Variants in EEA1 observed in about 807,000 individuals in gnomAD.
EEA1 encodes the protein early endosome antigen 1, 162kD.
EEA1 carries 111 observed loss-of-function variants against 209.2 expected under a neutral mutation model. The observed-to-expected ratio is 0.53, with a 90% CI of 0.45 to 0.62. The LOEUF (loss-of-function observed/expected upper bound fraction) is 0.62, where lower values mean the gene tolerates loss of function less well. Ranked by LOEUF, EEA1 falls within the 20% of genes least tolerant of loss-of-function variation. EEA1 has a pLI of 0.00. For synonymous variants in EEA1, 536 were observed against 540.6 expected (o/e 0.99, Z 0.12); for missense variants, 1,343 against 1,530.8 (o/e 0.88, Z 2.05).
At chr12:92,842,288 T>C (rs906269126) in intron 10 of EEA1, among the ~76,000 whole-genome samples, 177 bp downstream of exon 10, 3 of 151,952 alleles carry the variant, frequency 2.0e-5, no homozygotes. Flanking sequence ...AATTTCAACT[T>C]TGCACAATGA....
At chr12:92,782,792 ATCT>A (rs770777345) in intron 22 of EEA1, among the ~76,000 whole-genome samples, 4 of 152,080 alleles carry the variant, frequency 2.6e-5, no homozygotes, top group Non-Finnish European at 4.4e-5. Context: ...CAGGCCTCTA[ATCT>A]TCTTCCCCAC....
rs572011085 is a variant in EEA1, at chr12:92,847,101, C to T, written c.798+4010G>A. ...CCAAGTAGCTGGGATTACAGGCATGCGCCACCACACACCCGGCTAATTTTT... is the reference window on the plus strand; with the variant it reads ...CCAAGTAGCTGGGATTACAGGCATGTGCCACCACACACCCGGCTAATTTTT... On this transcript the variant is annotated intron_variant, in intron 9 of 28. Coordinates refer to ENST00000322349, the MANE Select transcript of EEA1 (RefSeq NM_003566.4). Among the ~76,000 whole-genome samples the T allele has an allele frequency of 1.7e-4, 26 of 152,042 alleles. No homozygotes were observed. The South Asian group carries it at 2.5e-3, about 15-fold the overall frequency.
At chr12:92,858,491 G>C in intron 3 of EEA1, 1 of 969,360 alleles carries the variant, frequency 1.0e-6, no homozygotes, top group Non-Finnish European at 1.7e-6. Flanking sequence ...ACCAGGGCTT[G>C]ATGTTTGGCT....
intron 21 of EEA1, among the ~76,000 whole-genome samples, chr12:92,796,701 G>C (rs73362425): frequency 4.5e-4 from 69 of 152,272 alleles, no homozygotes; most frequent in African/African-American, 1.6e-3. Context: ...CCATGGGCCA[G>C]TGACAATGAT....
At chr12:92,829,724 A>G (rs1876518263) in intron 11 of EEA1, among the ~76,000 whole-genome samples, 1 of 147,108 alleles carries the variant, frequency 6.8e-6, no homozygotes, top group Non-Finnish European at 1.5e-5. Context: ...GGTTGCAATG[A>G]GCCGAGATCA....
At chr12:92,898,731 C>CTTTTTTTTTTTTTTTTTT (rs772593153) in intron 1 of EEA1, among the ~76,000 whole-genome samples, 1 of 76,110 alleles carries the variant, frequency 1.3e-5, no homozygotes, top group Non-Finnish European at 2.5e-5. Context: ...CTTTTTTTCC[C>CTTTTTTTTTTTTTTTTTT]TTTTTTTTTT....
In EEA1 at chr12:92,775,266, A is replaced by G. The variant is rs571678046; in HGVS notation, c.*745T>C. 6.6e-6 allele frequency: 1 copy of G among 151,904 alleles called. No homozygotes were observed. Among genetic ancestry groups the G allele is most frequent in the South Asian group, 2.1e-4 (1 of 4,830 alleles). The allele number at this position is 151,904 out of a possible 1,614,324, so 9.4% of individuals were successfully genotyped here. ...GCGTGGGAGTTTAAGAAAGAGACAG[A>G]AAAAGACAAAAAGAAAAATTAACCC... On this transcript the variant is annotated 3_prime_UTR_variant, in exon 29 of 29. Coordinates refer to ENST00000322349, the MANE Select transcript of EEA1 (RefSeq NM_003566.4).
At chr12:92,917,624 C>T (rs1220082189) in intron 1 of EEA1, among the ~76,000 whole-genome samples, 1 of 151,964 alleles carries the variant, frequency 6.6e-6, no homozygotes, top group African/African-American at 2.4e-5. Flanking sequence ...CAACCAGTAC[C>T]AGCCATTGCA....
In EEA1 at chr12:92,793,354, G is replaced by A. The variant is rs185757750; in HGVS notation, c.2968-5305C>T. On this transcript the variant is annotated intron_variant, in intron 21 of 28. Transcript: ENST00000322349. ...GGAAGTCAAATTGTCCCTGTTTGCA[G>A]ATGACATGATTGTATATTTAGAAAA... Among the ~76,000 whole-genome samples, 710 of 152,318 alleles carry A rather than the reference G, an allele frequency of 4.7e-3. 29 individuals carry two copies. Among genetic ancestry groups the A allele is most frequent in the Admixed American group, 0.04 (616 of 15,302 alleles).
chr12:92,822,717 CT>C (rs1294085398), intron 13 of EEA1, among the ~76,000 whole-genome samples: 7 of 152,160 alleles, frequency 4.6e-5, no homozygotes, highest in African/African-American at 7.2e-5. Context: ...TCTCTTCTGG[CT>C]GATCACATCT....
intron 13 of EEA1, among the ~76,000 whole-genome samples, chr12:92,825,210 G>A (rs867956902): frequency 6.6e-6 from 1 of 151,880 alleles, no homozygotes; most frequent in Admixed American, 6.6e-5. Flanking sequence ...GCATGAGGTC[G>A]GGAGGACGAG....
intron 1 of EEA1, among the ~76,000 whole-genome samples, chr12:92,908,395 TA>T (rs1208078821): frequency 1.3e-5 from 2 of 152,210 alleles, no homozygotes; most frequent in African/African-American, 4.8e-5. Flanking sequence ...ACAACGTGAA[TA>T]CATTTCATGC....
intron 1 of EEA1, among the ~76,000 whole-genome samples, chr12:92,928,402 G>C (rs543648440): frequency 1.3e-5 from 2 of 152,164 alleles, no homozygotes; most frequent in Non-Finnish European, 2.9e-5. Flanking sequence ...TAAGGTAGTG[G>C]GGCTTGCACA....
intron 20 of EEA1, among the ~76,000 whole-genome samples, chr12:92,800,171 G>A (rs769714193): frequency 5.9e-5 from 9 of 152,100 alleles, no homozygotes; most frequent in Non-Finnish European, 1.0e-4. Context: ...GCAGTGAGCC[G>A]AGATTGCGCC....
At chr12:92,833,570 A>G (rs1437161983) in intron 10 of EEA1, among the ~76,000 whole-genome samples, 1 of 152,204 alleles carries the variant, frequency 6.6e-6, no homozygotes, top group African/African-American at 2.4e-5. Context: ...AAGTAAACAT[A>G]TTTAAGCAAA....
At chr12:92,922,520 GACA>G (rs1457996813) in intron 1 of EEA1, among the ~76,000 whole-genome samples, 1 of 152,106 alleles carries the variant, frequency 6.6e-6, no homozygotes, top group African/African-American at 2.4e-5. Context: ...TTTTAAGAAC[GACA>G]ACAACTTTCT....
chr12:92,832,406 T>C, intron 11 of EEA1, 106 bp downstream of exon 11: 1 of 1,087,050 alleles, frequency 9.2e-7, no homozygotes, highest in Non-Finnish European at 1.3e-6. Context: ...TCTTTTAAAA[T>C]GACAATATTT....
In EEA1 at chr12:92,891,736, G is replaced by T; in HGVS notation, c.25-15C>A. ...CTCCCAGGAGTCTGGAACACAAACAGTAGGGAGGAAAAAAAAACAAAGCAG... is the reference window on the plus strand; with the variant it reads ...CTCCCAGGAGTCTGGAACACAAACATTAGGGAGGAAAAAAAAACAAAGCAG... On this transcript the variant is annotated splice_polypyrimidine_tract_variant and intron_variant, in intron 1 of 28. Transcript: ENST00000322349. The T allele has an allele frequency of 6.4e-7, 1 of 1,571,770 alleles. No homozygotes were observed. The highest frequency in any genetic ancestry group is 8.6e-7 in the Non-Finnish European group (1 of 1,157,130).
intron 9 of EEA1, among the ~76,000 whole-genome samples, chr12:92,848,799 C>A (rs1877490572): frequency 8.4e-6 from 1 of 118,664 alleles, no homozygotes; most frequent in African/African-American, 3.2e-5. Context: ...GTGGTGTGAT[C>A]ATGGCTCACT....
Sources: gnomAD v4.1 joint callset for allele counts (sites outside exome capture counted in the v4.1 genomes callset) on GRCh38, gnomAD v4.1.1 for gene constraint, MANE v1.5 for transcripts, NCBI Gene and HGNC (gene_info 2026-07-23, HGNC 2026-07-21) for gene names.